TSPAN18: variants seen among roughly 807,000 people sequenced by gnomAD.
The protein encoded by TSPAN18 is tetraspanin-18.
In TSPAN18, 14 loss-of-function variants were observed where a neutral mutation model predicts 27.3. That is an observed-to-expected ratio of 0.51 (90% CI 0.34 to 0.80). The LOEUF is 0.80. Ranked by LOEUF, TSPAN18 falls within the 30% of genes least tolerant of loss-of-function variation. The probability of loss-of-function intolerance (pLI) is 0.01; values close to 1 mark genes in which losing one functional copy is unlikely to be tolerated. For synonymous variants in TSPAN18, 143 were observed against 136.5 expected (o/e 1.05, Z -0.33); for missense variants, 268 against 323.9 (o/e 0.83, Z 1.32).
intron 3 of TSPAN18, among the ~76,000 whole-genome samples, chr11:44,892,625 C>T (rs901254408): frequency 2.6e-5 from 4 of 152,192 alleles, no homozygotes; most frequent in African/African-American, 2.4e-5. Flanking sequence ...GAGGGACCTC[C>T]GACCTGTGTC....
chr11:44,783,521 C>A (rs1855987908), intron 2 of TSPAN18, among the ~76,000 whole-genome samples: 1 of 152,036 alleles, frequency 6.6e-6, no homozygotes. Flanking sequence ...GCCTCAGCCT[C>A]CCGAGTAGCT....
rs79701785 is a variant in TSPAN18, at chr11:44,924,688, G to A, written c.616-1986G>A. ...CTCTCTTTCCTTGCTCGCAGAGCAG[G>A]TTAGTTTTTCTGCTGTTATAGTTCT... On this transcript the variant is annotated intron_variant, in intron 8 of 9. Transcript: ENST00000520358. Among the ~76,000 whole-genome samples the A allele has an allele frequency of 2.9e-3, 420 of 144,946 alleles. 3 individuals carry two copies. The highest frequency in any genetic ancestry group is 0.01 in the African/African-American group (406 of 39,434).
chr11:44,843,342 G>T (rs1857414411), intron 2 of TSPAN18, among the ~76,000 whole-genome samples: 1 of 152,168 alleles, frequency 6.6e-6, no homozygotes, highest in Admixed American at 6.5e-5. Flanking sequence ...TTTTTATTAG[G>T]GAGTTTCAAA....
At position 44,874,357 on chromosome 11, in the gene TSPAN18, C is replaced by T. The variant is rs140481283; in HGVS notation, c.-11+13888C>T. ...TAGTCAATGGTCTTTGTGCCTTTGC[C>T]TCTGGGCAAAACCTCCCTCTTCTAC... On this transcript the variant is annotated intron_variant, in intron 3 of 9. Coordinates refer to ENST00000520358, the MANE Select transcript of TSPAN18 (RefSeq NM_130783.5). Among the ~76,000 whole-genome samples, 493 of 152,306 alleles carry T rather than the reference C, an allele frequency of 3.2e-3. 3 individuals are homozygous for T. The highest frequency in any genetic ancestry group is 0.011 in the African/African-American group (469 of 41,570).
intron 2 of TSPAN18, among the ~76,000 whole-genome samples, chr11:44,858,934 G>A (rs1356011452): frequency 6.6e-6 from 1 of 151,874 alleles, no homozygotes; most frequent in Admixed American, 6.6e-5. Context: ...TTTGGAAAAT[G>A]CTGGGAATGC....
chr11:44,871,361 T>A (rs1406911201), intron 3 of TSPAN18, among the ~76,000 whole-genome samples: 1 of 152,158 alleles, frequency 6.6e-6, no homozygotes, highest in Non-Finnish European at 1.5e-5. Context: ...ATAAGGGCAC[T>A]AATCTTATTC....
chr11:44,855,161 ATTAAC>A (rs975722679), intron 2 of TSPAN18, among the ~76,000 whole-genome samples: 2 of 150,806 alleles, frequency 1.3e-5, no homozygotes, highest in African/African-American at 4.9e-5. Flanking sequence ...TTTTTTTTTC[ATTAAC>A]TTAACTCATT....
At chr11:44,893,118 G>A (rs953010536) in intron 3 of TSPAN18, among the ~76,000 whole-genome samples, 5 of 152,200 alleles carry the variant, frequency 3.3e-5, no homozygotes, top group East Asian at 3.9e-4. Context: ...CTTCTTTGAC[G>A]ATTCTCTGAT....
intron 4 of TSPAN18, among the ~76,000 whole-genome samples, chr11:44,908,766 A>G (rs1053914883): frequency 4.5e-5 from 3 of 66,204 alleles, no homozygotes; most frequent in African/African-American, 1.3e-4. Flanking sequence ...GAGAGAGAGA[A>G]AGGAGAAAGA....
chr11:44,926,767 G>T lies in TSPAN18; in HGVS notation c.699+10G>T, dbSNP rs768848393. On this transcript the variant is annotated intron_variant, in intron 9 of 9. Transcript: ENST00000520358. ...GGTACTGGCCATCGAGGTAAGTAAA[G>T]GCCCCCACTTCTGCCGCTCCCCAGG... 6 of 1,613,840 alleles carry T rather than the reference G, an allele frequency of 3.7e-6. No homozygotes were observed. The highest frequency in any genetic ancestry group is 1.7e-5 in the Admixed American group (1 of 60,000).
intron 2 of TSPAN18, among the ~76,000 whole-genome samples, chr11:44,805,367 T>A (rs1397566163): frequency 6.6e-6 from 1 of 152,166 alleles, no homozygotes; most frequent in African/African-American, 2.4e-5. Context: ...CAGAAGTAAA[T>A]ACATATGTAA....
rs544381670 is a variant in TSPAN18, at chr11:44,813,171, C to T, written c.-152-47157C>T. Among the ~76,000 whole-genome samples, 4 of 152,342 alleles carry T rather than the reference C, an allele frequency of 2.6e-5. No individual in the cohort carries two copies. In the South Asian group the frequency reaches 6.2e-4, roughly 24 times the overall value. On this transcript the variant is annotated intron_variant, in intron 2 of 9. Transcript: ENST00000520358. ...TTCTGTCTCCTGCAGGCCAGGCACCCGGTCAGGCTGCTTCTGGAGAGATGA... is the reference window on the plus strand; with the variant it reads ...TTCTGTCTCCTGCAGGCCAGGCACCTGGTCAGGCTGCTTCTGGAGAGATGA...
At chr11:44,807,502 T>A (rs1194940531) in intron 2 of TSPAN18, among the ~76,000 whole-genome samples, 1 of 110,176 alleles carries the variant, frequency 9.1e-6, no homozygotes, top group Admixed American at 1.4e-4. Flanking sequence ...CACTCCAGCA[T>A]AGGCACAAGA....
chr11:44,907,055 G>A (rs748002383), intron 4 of TSPAN18, among the ~76,000 whole-genome samples: 1 of 152,206 alleles, frequency 6.6e-6, no homozygotes, highest in African/African-American at 2.4e-5. Flanking sequence ...AATTAAGCAA[G>A]ATTAGTTTAC....
chr11:44,917,151 G>A (rs780066599), intron 5 of TSPAN18, among the ~76,000 whole-genome samples: 3 of 152,254 alleles, frequency 2.0e-5, no homozygotes, highest in Non-Finnish European at 4.4e-5. Flanking sequence ...GTTAGGCACT[G>A]TGGTGCGGGG....
chr11:44,759,544 A>G (rs1367334860), intron 1 of TSPAN18, among the ~76,000 whole-genome samples: 3 of 152,176 alleles, frequency 2.0e-5, no homozygotes, highest in East Asian at 1.9e-4. Context: ...TCATTGTTTT[A>G]TAGATCCACT....
intron 2 of TSPAN18, among the ~76,000 whole-genome samples, chr11:44,776,794 T>C (rs965531119): frequency 3.9e-5 from 6 of 152,152 alleles, no homozygotes; most frequent in Non-Finnish European, 8.8e-5. Flanking sequence ...GCTGAGGAAG[T>C]GCTGGGTCAG....
At chr11:44,754,204 T>C (rs1407883689) in intron 1 of TSPAN18, among the ~76,000 whole-genome samples, 1 of 152,184 alleles carries the variant, frequency 6.6e-6, no homozygotes, top group Non-Finnish European at 1.5e-5. Flanking sequence ...AGGGAAGCAT[T>C]ACAAAGAGTT....
In TSPAN18 at chr11:44,727,263, G is replaced by A. The variant is rs1241650979; in HGVS notation, c.-264G>A. ...CCCGGCCGCCGGCGGGATTTGGCGC[G>A]GGGTCCGGCAGCCGCCGCTGGAAGG... On this transcript the variant is annotated 5_prime_UTR_variant, in exon 1 of 10. Coordinates refer to ENST00000520358, the MANE Select transcript of TSPAN18 (RefSeq NM_130783.5). The A allele has an allele frequency of 1.3e-5, 2 of 151,866 alleles. No homozygotes were observed. Among genetic ancestry groups the A allele is most frequent in the Non-Finnish European group, 2.9e-5 (2 of 67,892 alleles). The allele number at this position is 151,866 out of a possible 1,614,324, so 9.4% of individuals were successfully genotyped here.
Sources: allele counts gnomAD v4.1 joint callset (sites outside exome capture counted in the v4.1 genomes callset), GRCh38; gene constraint gnomAD v4.1.1; transcripts MANE v1.5; gene names NCBI Gene and HGNC (gene_info 2026-07-23, HGNC 2026-07-21).